The following CNOT10 variants were observed in gnomAD, a reference collection of about 807,000 sequenced individuals.
CNOT10 encodes the protein CCR4-NOT transcription complex subunit 10, also known as CCR4-NOT transcription complex, subunit 10.
CNOT10 carries 30 observed loss-of-function variants against 94.6 expected under a neutral mutation model. The observed-to-expected ratio is 0.32, with a 90% CI of 0.24 to 0.43. The LOEUF is 0.43. Ranked by LOEUF, CNOT10 falls within the 20% of genes least tolerant of loss-of-function variation. CNOT10 has a pLI of 1.00. For missense variants in CNOT10, 759 were observed against 877.2 expected (o/e 0.87, Z 1.70); for synonymous variants, 289 against 301.6 (o/e 0.96, Z 0.43).
At chr3:32,760,105 C>A in intron 14 of CNOT10, among the ~76,000 whole-genome samples, 1 of 97,468 alleles carries the variant, frequency 1.0e-5, no homozygotes, top group South Asian at 4.5e-4. Flanking sequence ...TCGCTTGAAC[C>A]CAGGAGTCAG....
At chr3:32,750,262 A>G (rs546676995) in intron 13 of CNOT10, among the ~76,000 whole-genome samples, 1 of 152,230 alleles carries the variant, frequency 6.6e-6, no homozygotes, top group South Asian at 2.1e-4. Context: ...TGGGAGGCCA[A>G]GGTGGGTGGA....
chr3:32,695,740 G>C (rs1229111392), intron 1 of CNOT10: 1 of 1,535,806 alleles, frequency 6.5e-7, no homozygotes, highest in African/African-American at 1.4e-5. Flanking sequence ...GCTTATGGGT[G>C]AACGGTCGTA....
intron 12 of CNOT10, among the ~76,000 whole-genome samples, chr3:32,735,326 C>A (rs1699137204): frequency 7.3e-6 from 1 of 137,022 alleles, no homozygotes; most frequent in South Asian, 2.1e-4. Context: ...GCTTTGGCGA[C>A]AGAGTGAGAC....
intron 3 of CNOT10, among the ~76,000 whole-genome samples, chr3:32,705,960 C>G (rs372173134): frequency 1.3e-5 from 2 of 152,150 alleles, no homozygotes; most frequent in African/African-American, 4.8e-5. Flanking sequence ...TATTAAGTGC[C>G]TTTTATGCCT....
chr3:32,724,296 A>C (rs1309526554), intron 8 of CNOT10, among the ~76,000 whole-genome samples: 1 of 143,502 alleles, frequency 7.0e-6, no homozygotes, highest in African/African-American at 2.5e-5. Flanking sequence ...CCCAGGCTGG[A>C]ATGCAGTGGT....
At chr3:32,768,852 C>T (rs1380967567) in intron 17 of CNOT10, among the ~76,000 whole-genome samples, 2 of 152,164 alleles carry the variant, frequency 1.3e-5, no homozygotes, top group African/African-American at 2.4e-5. Context: ...CCCAACATCT[C>T]CCACGTTCAA....
chr3:32,720,992 C>CCCT (rs1462312243), intron 8 of CNOT10, among the ~76,000 whole-genome samples: 1 of 142,992 alleles, frequency 7.0e-6, no homozygotes, highest in Non-Finnish European at 1.5e-5. Context: ...TCCTTCTCTT[C>CCCT]CCTTCCTTCT....
intron 10 of CNOT10, among the ~76,000 whole-genome samples, chr3:32,728,881 A>G (rs1463248195): frequency 6.6e-6 from 1 of 152,140 alleles, no homozygotes; most frequent in East Asian, 1.9e-4. Flanking sequence ...CGGGTGGATC[A>G]CGAGGTCAGG....
At chr3:32,697,663 CAG>C (rs1441575856) in intron 1 of CNOT10, among the ~76,000 whole-genome samples, 1 of 151,908 alleles carries the variant, frequency 6.6e-6, no homozygotes, top group Non-Finnish European at 1.5e-5. Flanking sequence ...AAAATAGAGA[CAG>C]GGTCTTGTTT....
intron 2 of CNOT10, among the ~76,000 whole-genome samples, chr3:32,704,426 C>T (rs1417123232): frequency 6.6e-6 from 1 of 152,120 alleles, no homozygotes; most frequent in Non-Finnish European, 1.5e-5. Flanking sequence ...AGGTTACGTG[C>T]ATGTAAGCAG....
intron 9 of CNOT10, among the ~76,000 whole-genome samples, chr3:32,726,320 T>C (rs1049110289): frequency 5.9e-5 from 9 of 152,188 alleles, no homozygotes; most frequent in Non-Finnish European, 1.2e-4. Context: ...ATTCCTGACA[T>C]TTATCCTTTA....
intron 13 of CNOT10, among the ~76,000 whole-genome samples, chr3:32,756,636 G>T (rs377625096): frequency 8.5e-5 from 13 of 152,218 alleles, no homozygotes; most frequent in African/African-American, 3.1e-4. Context: ...AACAGGAAAG[G>T]TGGGGGTCTG....
At chr3:32,772,709 A>C (rs759790998) in intron 18 of CNOT10, among the ~76,000 whole-genome samples, 2 of 152,030 alleles carry the variant, frequency 1.3e-5, no homozygotes, top group South Asian at 4.2e-4. Flanking sequence ...AAAAAACCCA[A>C]TGTTCTAAGG....
At chr3:32,741,768 C>CA (rs529423159) in intron 13 of CNOT10, among the ~76,000 whole-genome samples, 12,069 of 86,202 alleles carry the variant, frequency 0.14, 690 homozygotes, top group Middle Eastern at 0.27. Flanking sequence ...GACTCCGTCT[C>CA]AAAAAAAAAA....
At chr3:32,732,494 G>A (rs982241111) in intron 10 of CNOT10, among the ~76,000 whole-genome samples, 7 of 152,018 alleles carry the variant, frequency 4.6e-5, no homozygotes, top group African/African-American at 1.7e-4. Context: ...GCTGAAGCAG[G>A]AGGATCACTT....
chr3:32,759,956 G>A (rs1700372496), intron 14 of CNOT10, among the ~76,000 whole-genome samples: 1 of 152,098 alleles, frequency 6.6e-6, no homozygotes, highest in South Asian at 2.1e-4. Flanking sequence ...GCCGAGGCAG[G>A]CAAATCACGA....
intron 1 of CNOT10, among the ~76,000 whole-genome samples, chr3:32,701,014 C>T (rs1222304869): frequency 6.6e-6 from 1 of 152,190 alleles, no homozygotes; most frequent in Non-Finnish European, 1.5e-5. Context: ...TGGCTCACAC[C>T]TGTAATCCTA....
At chr3:32,702,804 T>G (rs944395095) in intron 1 of CNOT10, among the ~76,000 whole-genome samples, 1 of 152,192 alleles carries the variant, frequency 6.6e-6, no homozygotes, top group Non-Finnish European at 1.5e-5. Context: ...TGGTCTTTAT[T>G]TAAGTGGGCA....
intron 1 of CNOT10, among the ~76,000 whole-genome samples, chr3:32,700,606 A>C (rs1008129926): frequency 1.3e-5 from 2 of 152,184 alleles, no homozygotes; most frequent in Admixed American, 6.5e-5. Context: ...CCTTACAATA[A>C]CTTGAAAAAG....
Sources: allele counts gnomAD v4.1 joint callset (sites outside exome capture counted in the v4.1 genomes callset), GRCh38; gene constraint gnomAD v4.1.1; transcripts MANE v1.5; gene names NCBI Gene and HGNC (gene_info 2026-07-23, HGNC 2026-07-21).